Variants in NELFB observed in about 807,000 individuals in gnomAD.
NELFB encodes negative elongation factor B.
In NELFB, 34 loss-of-function variants were observed where a neutral mutation model predicts 60.2. The observed-to-expected ratio is 0.56, with a 90% CI of 0.43 to 0.75. NELFB has a LOEUF of 0.75. Ranked by LOEUF, NELFB falls within the 30% of genes least tolerant of loss-of-function variation. The probability of loss-of-function intolerance (pLI) is 0.00; values close to 1 mark genes in which losing one functional copy is unlikely to be tolerated. For synonymous variants in NELFB, 459 were observed against 382.1 expected (o/e 1.20, Z -2.35); for missense variants, 770 against 831.6 (o/e 0.93, Z 0.91).
rs1837544281 is a variant in NELFB, at chr9:137,255,960, C to T, written c.300C>T (p.Asp100=). ...TTCAGTCAGCCCTCCCCTTCTTGGA[C>T]CTGCACGGGACGCCGCGGCTGGAGT... The change falls in exon 2 of 13, where the codon GAC becomes GAT. Residue 100 remains aspartate (D), a synonymous_variant. Coordinates refer to ENST00000343053, the MANE Select transcript of NELFB (RefSeq NM_015456.5). 4 of 1,614,040 alleles carry T rather than the reference C, an allele frequency of 2.5e-6. No homozygotes were observed. The Admixed American group carries it at 5.0e-5, about 20-fold the overall frequency.
chr9:137,255,504 T>G lies in NELFB; in HGVS notation c.139T>G (p.Ser47Ala), dbSNP rs1837535413. 1 of 1,533,052 alleles carries G rather than the reference T, an allele frequency of 6.5e-7. No individual in the cohort carries two copies. The highest frequency in any genetic ancestry group is 8.8e-7 in the Non-Finnish European group (1 of 1,141,174). 95.0% of individuals were successfully genotyped at this position (1,533,052 alleles called of 1,614,324 possible). Residue 47 changes from serine to alanine, a missense_variant, in exon 1 of 13, where the codon TCG becomes GCG. Physicochemically the swap from Ser to Ala is moderately conservative, Grantham distance 99. Coordinates refer to ENST00000343053, the MANE Select transcript of NELFB (RefSeq NM_015456.5). Reference sequence around the variant, plus strand: ...GCCTAGCCGGGCGGTGGCCGGGGCCTCGGCCATGTTCGCGGGGCTGCAGGA... The same window carrying G: ...GCCTAGCCGGGCGGTGGCCGGGGCCGCGGCCATGTTCGCGGGGCTGCAGGA...
At chr9:137,271,735 G>A (rs1185555035) in intron 10 of NELFB, among the ~76,000 whole-genome samples, 1 of 152,146 alleles carries the variant, frequency 6.6e-6, no homozygotes, top group Non-Finnish European at 1.5e-5. Context: ...GACTGGAGGA[G>A]CACCTCGTTT....
intron 10 of NELFB, among the ~76,000 whole-genome samples, chr9:137,267,856 T>C (rs1372570184): frequency 1.3e-5 from 2 of 152,200 alleles, no homozygotes; most frequent in Non-Finnish European, 2.9e-5. Flanking sequence ...AGTTCAACTT[T>C]GTGCTTTCCC....
At position 137,263,091 on chromosome 9, in the gene NELFB, G is replaced by T; in HGVS notation, c.796G>T (p.Val266Leu). The stretch of plus-strand genomic sequence containing the variant: ...GAAGAACGTGAAGCTGTACGACATG[G>T]TGCTGCAGTTTCTGCGCACGCTCTT... The change falls in exon 5 of 13, where the codon GTG becomes TTG. Residue 266 changes from valine (V) to leucine (L), a missense_variant. Coordinates refer to ENST00000343053, the MANE Select transcript of NELFB (RefSeq NM_015456.5). 6.2e-7 allele frequency: 1 copy of T among 1,614,092 alleles called. No individual in the cohort carries two copies. The highest frequency in any genetic ancestry group is 8.5e-7 in the Non-Finnish European group (1 of 1,179,976).
At chr9:137,267,891 CT>C (rs1830539637) in intron 10 of NELFB, among the ~76,000 whole-genome samples, 1 of 152,164 alleles carries the variant, frequency 6.6e-6, no homozygotes, top group African/African-American at 2.4e-5. Flanking sequence ...TAAGAGCTGT[CT>C]TTATTTCATC....
chr9:137,261,763 C>T (rs1830449587), intron 4 of NELFB, among the ~76,000 whole-genome samples: 1 of 151,790 alleles, frequency 6.6e-6, no homozygotes, highest in African/African-American at 2.4e-5. Context: ...AGTAAAGACA[C>T]AAGGCAAAGA....
In NELFB at chr9:137,266,400, A is replaced by G; in HGVS notation, c.1213A>G (p.Ser405Gly). 6.2e-7 allele frequency: 1 copy of G among 1,612,930 alleles called. No individual in the cohort carries two copies. Among genetic ancestry groups the G allele is most frequent in the Non-Finnish European group, 8.5e-7 (1 of 1,179,968 alleles). The change falls in exon 8 of 13, where the codon AGC becomes GGC. Residue 405 changes from serine to glycine, a missense_variant. By Grantham distance (56) the Ser-to-Gly change is moderately conservative (BLOSUM62 0). Coordinates refer to ENST00000343053, the MANE Select transcript of NELFB (RefSeq NM_015456.5). ...CCAGGGAGCCTGGGACATGATCGAC[A>G]GCCAGGTCTTCAAGGAGCCCAAGAT...
intron 8 of NELFB, 132 bp downstream of exon 8, chr9:137,266,558 C>T: frequency 1.3e-6 from 1 of 793,508 alleles, no homozygotes; most frequent in Non-Finnish European, 2.0e-6. Flanking sequence ...CTGGAGCTGC[C>T]CACCTTCCTT....
At chr9:137,262,102 G>T (rs926944380) in intron 4 of NELFB, among the ~76,000 whole-genome samples, 1 of 152,186 alleles carries the variant, frequency 6.6e-6, no homozygotes, top group Middle Eastern at 3.2e-3. Flanking sequence ...GTACAGGATG[G>T]AACATGAAGG....
At position 137,273,031 on chromosome 9, in the gene NELFB, C is replaced by T. The variant is rs1212689356; in HGVS notation, c.*103C>T. 21 of 1,296,016 alleles carry T rather than the reference C, an allele frequency of 1.6e-5. No homozygotes were observed. Among genetic ancestry groups the T allele is most frequent in the East Asian group, 2.6e-5 (1 of 38,026 alleles). 80.3% of individuals were successfully genotyped at this position (1,296,016 alleles called of 1,614,324 possible). ...GGATGTACAGGGCAGTCTCTCTTCC[C>T]GGGGCTATGGCTGGGCCTGTCCTGC... is the stretch of plus-strand genomic sequence containing the variant. On this transcript the variant is annotated 3_prime_UTR_variant, in exon 13 of 13. Coordinates refer to ENST00000343053, the MANE Select transcript of NELFB (RefSeq NM_015456.5).
intron 8 of NELFB, 61 bp from the exon 9 acceptor site, chr9:137,266,883 G>A (rs1393247442): frequency 9.5e-6 from 15 of 1,578,336 alleles, no homozygotes; most frequent in African/African-American, 6.9e-5. Flanking sequence ...TGTGTGTCAC[G>A]TCAGGGTGGG....
At position 137,266,988 on chromosome 9, in the gene NELFB, C is replaced by G. The variant is rs1347274705; in HGVS notation, c.1284C>G (p.Phe428Leu). 2.5e-6 allele frequency: 4 copies of G among 1,614,016 alleles called. No individual in the cohort carries two copies. Among genetic ancestry groups the G allele is most frequent in the Non-Finnish European group, 3.4e-6 (4 of 1,180,010 alleles). ...GGTTCCTCCCGATGCTCATGTCCTT[C>G]CTGGTGGATGACTACACTTTCAATG... Residue 428 changes from phenylalanine to leucine, a missense_variant, in exon 9 of 13, where the codon TTC becomes TTG. Coordinates refer to ENST00000343053, the MANE Select transcript of NELFB (RefSeq NM_015456.5).
intron 10 of NELFB, among the ~76,000 whole-genome samples, chr9:137,271,244 G>A (rs1396276578): frequency 6.6e-6 from 1 of 152,276 alleles, no homozygotes; most frequent in Non-Finnish European, 1.5e-5. Flanking sequence ...GTGAGATGTG[G>A]CAGGCAGGCA....
chr9:137,267,553 T>C (rs1830536909), intron 10 of NELFB, among the ~76,000 whole-genome samples: 1 of 149,070 alleles, frequency 6.7e-6, no homozygotes, highest in Admixed American at 6.8e-5. Flanking sequence ...AGTGCAGTGG[T>C]GCAACCTCAG....
intron 3 of NELFB, 89 bp from the exon 4 acceptor site, chr9:137,256,735 G>T (rs775777253): frequency 2.6e-5 from 32 of 1,243,028 alleles, no homozygotes; most frequent in Non-Finnish European, 3.5e-5. Flanking sequence ...GCTCGAGGTG[G>T]TCTCTGCGGG....
intron 4 of NELFB, among the ~76,000 whole-genome samples, chr9:137,261,070 C>T (rs1588185737): frequency 1.3e-5 from 2 of 150,544 alleles, no homozygotes; most frequent in East Asian, 2.0e-4. Flanking sequence ...AAGCTGGGCG[C>T]AGTGACTCAC....
At chr9:137,268,620 G>A (rs567825693) in intron 10 of NELFB, among the ~76,000 whole-genome samples, 2 of 152,304 alleles carry the variant, frequency 1.3e-5, no homozygotes, top group South Asian at 4.2e-4. Flanking sequence ...TCCCAGTTCT[G>A]CGGGCTGGGA....
At chr9:137,262,470 C>G (rs1830460950) in intron 4 of NELFB, among the ~76,000 whole-genome samples, 3 of 152,208 alleles carry the variant, frequency 2.0e-5, no homozygotes, top group African/African-American at 7.2e-5. Flanking sequence ...GCTCCTATCT[C>G]TGTATGGCCT....
chr9:137,267,490 CTTTTT>C (rs1174937800), intron 10 of NELFB, 144 bp downstream of exon 10: 604 of 438,964 alleles, frequency 1.4e-3, no homozygotes, highest in Middle Eastern at 3.3e-3. Flanking sequence ...TTGTTTTCAC[CTTTTT>C]TTTTTTTTTT....
Sources: gnomAD v4.1 joint callset for allele counts (sites outside exome capture counted in the v4.1 genomes callset) on GRCh38, gnomAD v4.1.1 for gene constraint, MANE v1.5 for transcripts, NCBI Gene and HGNC (gene_info 2026-07-23, HGNC 2026-07-21) for gene names.